ASCC3: variants seen among roughly 807,000 people sequenced by gnomAD.
The protein encoded by ASCC3 is ASC-1 complex subunit P200.
Under a neutral mutation model 256.3 loss-of-function variants are expected in ASCC3, and 158 were observed. The observed-to-expected ratio is 0.62, with a 90% CI of 0.54 to 0.70. The LOEUF is 0.70. Among genes scored for constraint, ASCC3 ranks in the 30% least tolerant of loss-of-function variants. The pLI, the probability that ASCC3 is intolerant of heterozygous loss-of-function variation, is 0.00. For synonymous variants in ASCC3, 948 were observed against 883.4 expected, an observed-to-expected ratio of 1.07 and a Z score of -1.30; for missense variants, 2,259 against 2,626.0, an observed-to-expected ratio of 0.86 and a Z score of 3.05.
chr6:100,510,920 T>G (rs1228813271), intron 40 of ASCC3, among the ~76,000 whole-genome samples: 1 of 152,094 alleles, frequency 6.6e-6, no homozygotes, highest in Non-Finnish European at 1.5e-5. Context: ...TTACAGTATT[T>G]CAAAAGGGAG....
chr6:100,828,092 TA>T (rs10684305), intron 4 of ASCC3, among the ~76,000 whole-genome samples: 23 of 125,344 alleles, frequency 1.8e-4, no homozygotes, highest in South Asian at 2.6e-4. Context: ...CAGTATTTTC[TA>T]AAAAAAAAAA....
At chr6:100,648,393 G>T (rs992103119) in intron 20 of ASCC3, among the ~76,000 whole-genome samples, 4 of 151,914 alleles carry the variant, frequency 2.6e-5, no homozygotes, top group Admixed American at 6.6e-5. Context: ...GTTCAGTCTG[G>T]TTAAAATCCA....
chr6:100,562,254 A>T (rs993406189), intron 36 of ASCC3, among the ~76,000 whole-genome samples: 1 of 152,130 alleles, frequency 6.6e-6, no homozygotes, highest in Non-Finnish European at 1.5e-5. Flanking sequence ...TGGTAGTAAC[A>T]ACAAAAGTTT....
chr6:100,641,646 C>T (rs1041054188), intron 24 of ASCC3, among the ~76,000 whole-genome samples: 17 of 152,148 alleles, frequency 1.1e-4, no homozygotes, highest in Non-Finnish European at 2.4e-4. Context: ...CCATTTGACC[C>T]AGCCATCCCA....
Position 100,518,027 on chromosome 6 carries a change from A to G in ASCC3, c.5891T>C (p.Leu1964Pro), listed in dbSNP as rs758660624. ...AAGATGATGGTTTTCTATGTTTGGT[A>G]GTGTAAGAAGAGAAGAGTCCTTTAA... The part of the protein sequence containing the change: ...RWLKDSSLLT[L>P]PNIENHHLHL... The change falls in exon 38 of 42, where the codon CTA (leucine) becomes CCA (proline). Residue 1964 changes from leucine to proline, a missense_variant. This residue lies in a region of ASCC3 where 1,839 missense variants were observed against 2,206.7 expected (regional missense o/e 0.83). Coordinates refer to ENST00000369162, the MANE Select transcript of ASCC3 (RefSeq NM_006828.4). 3 of 1,613,510 alleles carry G rather than the reference A, an allele frequency of 1.9e-6. No individual in the cohort carries two copies. The highest frequency in any genetic ancestry group is 1.7e-5 in the Admixed American group (1 of 59,952).
chr6:100,575,546 A>G (rs1407830212), intron 36 of ASCC3, among the ~76,000 whole-genome samples: 2 of 152,116 alleles, frequency 1.3e-5, no homozygotes, highest in Non-Finnish European at 2.9e-5. Flanking sequence ...TTGTTCTGGT[A>G]CTTTTCTAAA....
In ASCC3 at chr6:100,679,181, C is replaced by A. The variant is rs191771352; in HGVS notation, c.2286+437G>T. Reference sequence around the variant, plus strand: ...CACTGAGTAACAAGCTGTTGACAAACTTTTTGGCTCAGAATTCCTTTACAT... The same window carrying A: ...CACTGAGTAACAAGCTGTTGACAAAATTTTTGGCTCAGAATTCCTTTACAT... On this transcript the variant is annotated intron_variant, in intron 14 of 41. Transcript: ENST00000369162. Among the ~76,000 whole-genome samples the A allele has an allele frequency of 1.1e-3, 162 of 146,720 alleles. 1 individual carries two copies. Among genetic ancestry groups the A allele is most frequent in the African/African-American group, 3.9e-3 (152 of 39,450 alleles).
At chr6:100,870,503 G>T (rs948011035) in intron 1 of ASCC3, among the ~76,000 whole-genome samples, 5 of 152,184 alleles carry the variant, frequency 3.3e-5, no homozygotes, top group Non-Finnish European at 2.9e-5. Context: ...CCTGATAGAG[G>T]TCACATTCTT....
At chr6:100,564,210 T>C (rs551714357) in intron 36 of ASCC3, among the ~76,000 whole-genome samples, 6 of 152,126 alleles carry the variant, frequency 3.9e-5, no homozygotes, top group African/African-American at 1.4e-4. Flanking sequence ...AACTGGGATA[T>C]CTAAACATTC....
At chr6:100,657,602 A>G (rs534687030) in intron 16 of ASCC3, among the ~76,000 whole-genome samples, 1 of 151,608 alleles carries the variant, frequency 6.6e-6, no homozygotes, top group Non-Finnish European at 1.5e-5. Context: ...ATTTTAAAGT[A>G]ACATCACACA....
chr6:100,863,249 G>C (rs1057188455), intron 3 of ASCC3, among the ~76,000 whole-genome samples: 2 of 152,110 alleles, frequency 1.3e-5, no homozygotes, highest in Admixed American at 1.3e-4. Flanking sequence ...TTAGCCTTAG[G>C]AAAGTAACCT....
At chr6:100,564,156 T>G (rs1246336061) in intron 36 of ASCC3, among the ~76,000 whole-genome samples, 1 of 152,098 alleles carries the variant, frequency 6.6e-6, no homozygotes, top group Admixed American at 6.6e-5. Flanking sequence ...CATGTGTTTT[T>G]TTTTTTAATA....
intron 36 of ASCC3, among the ~76,000 whole-genome samples, chr6:100,545,068 T>A (rs1222517023): frequency 6.6e-6 from 1 of 152,124 alleles, no homozygotes; most frequent in Admixed American, 6.5e-5. Context: ...ATCATCTCAG[T>A]TATACAGAAA....
At chr6:100,795,810 G>A (rs1202572924) in intron 8 of ASCC3, among the ~76,000 whole-genome samples, 1 of 152,046 alleles carries the variant, frequency 6.6e-6, no homozygotes, top group Non-Finnish European at 1.5e-5. Context: ...AGTGAAAAAC[G>A]ACAGACCTTC....
At chr6:100,647,644 T>C (rs1775448573) in intron 20 of ASCC3, among the ~76,000 whole-genome samples, 193 bp from the exon 21 acceptor site, 1 of 152,178 alleles carries the variant, frequency 6.6e-6, no homozygotes, top group Non-Finnish European at 1.5e-5. Context: ...ATCCTTTATA[T>C]GTGGATGCTA....
intron 1 of ASCC3, among the ~76,000 whole-genome samples, chr6:100,870,594 G>T (rs999380720): frequency 2.6e-5 from 4 of 152,258 alleles, no homozygotes; most frequent in African/African-American, 9.6e-5. Context: ...AATCAGTAAA[G>T]AACTGGTATG....
chr6:100,647,159 T>C, intron 21 of ASCC3, 67 bp downstream of exon 21: 1 of 1,371,122 alleles, frequency 7.3e-7, no homozygotes, highest in Non-Finnish European at 1.0e-6. Flanking sequence ...AATACCTTCT[T>C]TTACACCCAG....
Position 100,642,571 on chromosome 6 carries a change from A to C in ASCC3, c.3901+10T>G. 1.2e-6 allele frequency: 2 copies of C among 1,613,530 alleles called. No homozygotes were observed. Among genetic ancestry groups the C allele is most frequent in the Non-Finnish European group, 1.7e-6 (2 of 1,179,488 alleles). The stretch of plus-strand genomic sequence containing the variant: ...AAATCAATGATTCAAATCAGCATTC[A>C]CCATGTTACCTGTATGAGGAGGATG... On this transcript the variant is annotated intron_variant, in intron 24 of 41. Coordinates refer to ENST00000369162, the MANE Select transcript of ASCC3 (RefSeq NM_006828.4).
chr6:100,671,551 A>T (rs2114949993), intron 14 of ASCC3, among the ~76,000 whole-genome samples: 1 of 152,214 alleles, frequency 6.6e-6, no homozygotes, highest in East Asian at 1.9e-4. Flanking sequence ...GAACTGTCTA[A>T]GTTTGGTTTC....
Sources: gnomAD v4.1 joint callset for allele counts (sites outside exome capture counted in the v4.1 genomes callset) on GRCh38, gnomAD v4.1.1 for gene constraint, gnomAD v4.1.1 regional missense constraint, MANE v1.5 for transcripts, NCBI Gene and HGNC (gene_info 2026-07-23, HGNC 2026-07-21) for gene names.